Variants in MACROD2 observed in about 807,000 individuals in gnomAD.
MACROD2 encodes the protein ADP-ribose glycohydrolase MACROD2.
A neutral mutation model predicts 70.4 loss-of-function variants in MACROD2; 36 were observed. The observed-to-expected ratio is 0.51, with a 90% CI of 0.39 to 0.68. The LOEUF is 0.68. Ranked by LOEUF, MACROD2 falls within the 30% of genes least tolerant of loss-of-function variation. The probability of loss-of-function intolerance (pLI) is 0.00; values close to 1 mark genes in which losing one functional copy is unlikely to be tolerated. For missense variants in MACROD2, 496 were observed against 538.4 expected (o/e 0.92, Z 0.78); for synonymous variants, 172 against 178.8 (o/e 0.96, Z 0.30).
chr20:14,244,663 GTGTTC>G (rs2081955261), intron 3 of MACROD2, among the ~76,000 whole-genome samples: 1 of 152,174 alleles, frequency 6.6e-6, no homozygotes, highest in South Asian at 2.1e-4. Flanking sequence ...GTGGGCAGAG[GTGTTC>G]TGTTCTCTAA....
intron 4 of MACROD2, among the ~76,000 whole-genome samples, chr20:14,527,634 C>T (rs575937650): frequency 6.6e-6 from 1 of 152,344 alleles, no homozygotes; most frequent in South Asian, 2.1e-4. Flanking sequence ...GGGACAATGT[C>T]TCACGCTGTG....
At chr20:15,870,337 C>T (rs995108004) in intron 9 of MACROD2, among the ~76,000 whole-genome samples, 2 of 151,626 alleles carry the variant, frequency 1.3e-5, no homozygotes, top group Admixed American at 1.3e-4. Context: ...CCTAATATTC[C>T]ATTGCCCTTT....
chr20:15,309,860 G>C (rs889807059), intron 6 of MACROD2, among the ~76,000 whole-genome samples: 1 of 152,104 alleles, frequency 6.6e-6, no homozygotes. Flanking sequence ...AATAAGAAGC[G>C]AATAAAGATT....
intron 15 of MACROD2, among the ~76,000 whole-genome samples, chr20:16,029,362 C>A (rs113806101): frequency 1.2e-4 from 18 of 152,164 alleles, no homozygotes; most frequent in African/African-American, 4.1e-4. Context: ...GCATGTGACA[C>A]CCACAACGAA....
intron 4 of MACROD2, among the ~76,000 whole-genome samples, chr20:14,615,927 T>C (rs1983453430): frequency 6.6e-6 from 1 of 152,038 alleles, no homozygotes; most frequent in Non-Finnish European, 1.5e-5. Flanking sequence ...TTTCTATGTA[T>C]GTAAGGTGGT....
rs913290224 is a variant in MACROD2, at chr20:15,231,812, A to T, written c.540+1751A>T. Among the ~76,000 whole-genome samples the T allele has an allele frequency of 3.9e-5, 6 of 152,142 alleles. No homozygotes were observed. In the East Asian group the frequency reaches 9.6e-4, roughly 24 times the overall value. ...CTAGTCATTCTTTGATAGGAATTAG[A>T]TCTACCTTAACATCTTTGATGATTA... On this transcript the variant is annotated intron_variant, in intron 6 of 17. Coordinates refer to ENST00000684519, the MANE Select transcript of MACROD2 (RefSeq NM_001351661.2).
intron 5 of MACROD2, among the ~76,000 whole-genome samples, chr20:14,736,157 A>T (rs1291308393): frequency 6.6e-6 from 1 of 152,190 alleles, no homozygotes; most frequent in Non-Finnish European, 1.5e-5. Flanking sequence ...CATAAGGAGA[A>T]ATGAAGCACT....
At chr20:15,442,467 G>T (rs956173587) in intron 7 of MACROD2, among the ~76,000 whole-genome samples, 1 of 152,056 alleles carries the variant, frequency 6.6e-6, no homozygotes, top group Non-Finnish European at 1.5e-5. Context: ...ATGCCTTCCC[G>T]AAGGTATTGG....
intron 4 of MACROD2, among the ~76,000 whole-genome samples, chr20:14,596,412 C>CATATATATATATATATATATATAT (rs5840627): frequency 1.1e-4 from 16 of 143,034 alleles, no homozygotes; most frequent in African/African-American, 3.9e-4. Flanking sequence ...ATTTTTTAAA[C>CATATATATATATATATATATATAT]ATATATATAT....
At chr20:15,757,564 G>C (rs2051365679) in intron 8 of MACROD2, among the ~76,000 whole-genome samples, 1 of 152,104 alleles carries the variant, frequency 6.6e-6, no homozygotes. Flanking sequence ...ATCTACTGTA[G>C]AAAATACCTC....
intron 4 of MACROD2, among the ~76,000 whole-genome samples, chr20:14,503,061 C>A (rs1379800395): frequency 1.3e-5 from 2 of 152,138 alleles, no homozygotes; most frequent in Non-Finnish European, 2.9e-5. Context: ...GAGGCCATCT[C>A]TTAAGGTATG....
At chr20:14,557,773 G>A (rs917269587) in intron 4 of MACROD2, among the ~76,000 whole-genome samples, 3 of 151,812 alleles carry the variant, frequency 2.0e-5, no homozygotes, top group African/African-American at 7.2e-5. Context: ...CCCATTGCTG[G>A]TGGGATTGTA....
intron 3 of MACROD2, among the ~76,000 whole-genome samples, chr20:14,146,275 C>T (rs2054941688): frequency 6.6e-6 from 1 of 151,922 alleles, no homozygotes; most frequent in Non-Finnish European, 1.5e-5. Context: ...GCCGAGGTGG[C>T]GCCACTGCAC....
At chr20:14,400,304 C>T (rs917228558) in intron 3 of MACROD2, among the ~76,000 whole-genome samples, 1 of 152,162 alleles carries the variant, frequency 6.6e-6, no homozygotes, top group Admixed American at 6.5e-5. Context: ...TTCCCCACTA[C>T]TGGGTTTAAT....
At chr20:14,550,159 G>T (rs1297038616) in intron 4 of MACROD2, among the ~76,000 whole-genome samples, 1 of 152,054 alleles carries the variant, frequency 6.6e-6, no homozygotes, top group Non-Finnish European at 1.5e-5. Flanking sequence ...CTGACCTCAG[G>T]TGATCCGCCT....
At chr20:15,886,677 T>C (rs1357983374) in intron 10 of MACROD2, among the ~76,000 whole-genome samples, 1 of 152,112 alleles carries the variant, frequency 6.6e-6, no homozygotes, top group Non-Finnish European at 1.5e-5. Context: ...TGGCCTAAGG[T>C]AGCCATTCAG....
chr20:15,679,877 T>G lies in MACROD2; in HGVS notation c.645+180030T>G, dbSNP rs188353651. On this transcript the variant is annotated intron_variant, in intron 8 of 17. Transcript: ENST00000684519. ...TCTGAATTCCAGACCTGCAGAAATG[T>G]GAGAAAATAAAATGTTGTTTTAAGC... Among the ~76,000 whole-genome samples, 453 of 152,322 alleles carry G rather than the reference T, an allele frequency of 3.0e-3. 2 individuals are homozygous for G. The highest frequency in any genetic ancestry group is 0.01 in the African/African-American group (436 of 41,568).
At chr20:15,762,800 G>A (rs1042630380) in intron 8 of MACROD2, among the ~76,000 whole-genome samples, 2 of 152,244 alleles carry the variant, frequency 1.3e-5, no homozygotes, top group South Asian at 4.1e-4. Flanking sequence ...ACTACTAAAC[G>A]ATCATTGCTA....
At chr20:15,252,581 A>G (rs993216085) in intron 6 of MACROD2, among the ~76,000 whole-genome samples, 15 of 152,180 alleles carry the variant, frequency 9.9e-5, no homozygotes, top group African/African-American at 3.4e-4. Context: ...CCATACCTAC[A>G]TTGAACAGGA....
Sources: allele counts gnomAD v4.1 joint callset (sites outside exome capture counted in the v4.1 genomes callset), GRCh38; gene constraint gnomAD v4.1.1; transcripts MANE v1.5; gene names NCBI Gene and HGNC (gene_info 2026-07-23, HGNC 2026-07-21).